Variants in GALNT13 observed in about 807,000 individuals in gnomAD.
The protein encoded by GALNT13 is polypeptide N-acetylgalactosaminyltransferase 13, also known as UDP-GalNAc:polypeptide N-acetylgalactosaminyltransferase 13.
Under a neutral mutation model 64.2 loss-of-function variants are expected in GALNT13, and 28 were observed. That is an observed-to-expected ratio of 0.44 (90% CI 0.32 to 0.60). GALNT13 has a LOEUF of 0.60. Ranked by LOEUF, GALNT13 falls within the 20% of genes least tolerant of loss-of-function variation. GALNT13 has a pLI of 0.05. For synonymous variants in GALNT13, 214 were observed against 224.6 expected, an observed-to-expected ratio of 0.95 and a Z score of 0.42; for missense variants, 577 against 669.8, an observed-to-expected ratio of 0.86 and a Z score of 1.53.
At chr2:153,787,068 C>T in the GALNT13 span, among the ~76,000 whole-genome samples, 1 of 152,070 alleles carries the variant, frequency 6.6e-6, no homozygotes, top group Non-Finnish European at 1.5e-5. Context: ...TGCTAAGGTC[C>T]CTTCCTCTGC....
At chr2:154,194,542 C>A (rs1005556479) in intron 4 of GALNT13, among the ~76,000 whole-genome samples, 1 of 152,104 alleles carries the variant, frequency 6.6e-6, no homozygotes, top group African/African-American at 2.4e-5. Context: ...TTACATGAAC[C>A]AGATGGTAAA....
intron 3 of GALNT13, among the ~76,000 whole-genome samples, chr2:154,063,178 A>G (rs1305308009): frequency 1.3e-5 from 2 of 152,118 alleles, no homozygotes; most frequent in African/African-American, 2.4e-5. Flanking sequence ...TCCCTTATAT[A>G]TATCACATTC....
the GALNT13 span, among the ~76,000 whole-genome samples, chr2:153,782,228 A>G: frequency 6.6e-6 from 1 of 152,222 alleles, no homozygotes; most frequent in Non-Finnish European, 1.5e-5. Context: ...TGTAAATATC[A>G]TAGATCTTTC....
rs1187203913 is a variant in GALNT13, at chr2:154,146,948, C to T, written c.311+6443C>T. 2.0e-5 allele frequency among the ~76,000 whole-genome samples: 3 copies of T among 152,032 alleles called. No individual in the cohort carries two copies. The East Asian group carries it at 5.8e-4, about 29-fold the overall frequency. On this transcript the variant is annotated intron_variant, in intron 4 of 12. Transcript: ENST00000392825. ...CTTCTTTTCTATGAAGGTCTCCGTTCATGTGAAAATCAAATGATTATAATC... is the reference window on the plus strand; with the variant it reads ...CTTCTTTTCTATGAAGGTCTCCGTTTATGTGAAAATCAAATGATTATAATC...
intron 3 of GALNT13, among the ~76,000 whole-genome samples, chr2:154,124,745 T>A (rs1184103655): frequency 6.6e-6 from 1 of 152,022 alleles, no homozygotes; most frequent in Non-Finnish European, 1.5e-5. Flanking sequence ...GACCATGAGG[T>A]TAAGTTAAAT....
At chr2:153,718,815 C>A in the GALNT13 span, among the ~76,000 whole-genome samples, 1 of 152,182 alleles carries the variant, frequency 6.6e-6, no homozygotes, top group African/African-American at 2.4e-5. Context: ...GTTTACAATA[C>A]ACTTTGAAAA....
chr2:153,956,921 A>G (rs542105488), intron 3 of GALNT13, among the ~76,000 whole-genome samples: 1 of 152,308 alleles, frequency 6.6e-6, no homozygotes, highest in South Asian at 2.1e-4. Context: ...ACTATCTCCG[A>G]GAACCAAGTT....
At chr2:153,139,298 A>G in the GALNT13 span, among the ~76,000 whole-genome samples, 2 of 152,010 alleles carry the variant, frequency 1.3e-5, no homozygotes, top group Non-Finnish European at 2.9e-5. Flanking sequence ...TTGGCTTTTA[A>G]ATCCATTTTA....
intron 3 of GALNT13, among the ~76,000 whole-genome samples, chr2:154,011,522 A>G (rs1023637480): frequency 6.6e-6 from 1 of 152,180 alleles, no homozygotes; most frequent in Admixed American, 6.6e-5. Flanking sequence ...TTTCATGTGC[A>G]GATGAGAAGA....
the GALNT13 span, among the ~76,000 whole-genome samples, chr2:153,730,793 T>C: frequency 2.0e-5 from 3 of 151,812 alleles, no homozygotes; most frequent in African/African-American, 7.2e-5. Flanking sequence ...ATAAAAATGC[T>C]CACCATCACT....
the GALNT13 span, among the ~76,000 whole-genome samples, chr2:153,080,736 A>C: frequency 2.2e-4 from 34 of 152,154 alleles, no homozygotes; most frequent in Non-Finnish European, 3.7e-4. Context: ...AAAATCTTTT[A>C]AATATGGTTT....
At position 154,252,724 on chromosome 2, in the gene GALNT13, A is replaced by AAGATAGAT. The variant is rs70983713; in HGVS notation, c.858-6247_858-6240dup. Among the ~76,000 whole-genome samples, 1,330 of 146,840 alleles carry AAGATAGAT rather than the reference A, an allele frequency of 9.1e-3. 7 individuals are homozygous for AAGATAGAT. Among genetic ancestry groups the AAGATAGAT allele is most frequent in the Middle Eastern group, 0.014 (4 of 290 alleles). On this transcript the variant is annotated intron_variant, in intron 7 of 12. Transcript: ENST00000392825. ...TATAAGGTATATGGACGAATGGAAAAAGATAGATAGATAGATAGATAGATA... is the reference window on the plus strand; with the variant it reads ...TATAAGGTATATGGACGAATGGAAAAAGATAGATAGATAGATAGATAGATAGATAGATA...
intron 11 of GALNT13, among the ~76,000 whole-genome samples, chr2:154,423,419 G>C (rs1053662991): frequency 6.6e-6 from 1 of 152,070 alleles, no homozygotes; most frequent in Non-Finnish European, 1.5e-5. Flanking sequence ...TCCTTTGGGT[G>C]TATACCCAGT....
intron 9 of GALNT13, among the ~76,000 whole-genome samples, chr2:154,361,652 C>A (rs76037817): frequency 6.6e-6 from 1 of 152,096 alleles, no homozygotes; most frequent in African/African-American, 2.4e-5. Flanking sequence ...ATTTCTGTCA[C>A]ATAGTGAGTA....
chr2:154,401,604 T>G (rs1369888828), intron 10 of GALNT13, among the ~76,000 whole-genome samples: 3 of 152,138 alleles, frequency 2.0e-5, no homozygotes, highest in African/African-American at 7.2e-5. Context: ...ATATTGTATT[T>G]TTTTAACTTC....
chr2:153,248,543 G>A, the GALNT13 span, among the ~76,000 whole-genome samples: 1 of 152,058 alleles, frequency 6.6e-6, no homozygotes, highest in African/African-American at 2.4e-5. Flanking sequence ...GGCCGGGCGT[G>A]GTGGCTCAGC....
At chr2:153,615,613 A>G in the GALNT13 span, among the ~76,000 whole-genome samples, 1 of 152,162 alleles carries the variant, frequency 6.6e-6, no homozygotes, top group East Asian at 1.9e-4. Flanking sequence ...TTTGATCTGC[A>G]TTTATCTAAT....
chr2:153,611,317 T>C, the GALNT13 span, among the ~76,000 whole-genome samples: 1 of 152,144 alleles, frequency 6.6e-6, no homozygotes. Flanking sequence ...TAGACTAGGA[T>C]TTGAACTGAG....
At chr2:153,699,713 C>A in the GALNT13 span, among the ~76,000 whole-genome samples, 1 of 152,144 alleles carries the variant, frequency 6.6e-6, no homozygotes. Flanking sequence ...GCTAGAAACA[C>A]CTCTATGCAA....
Sources: allele counts gnomAD v4.1 joint callset (sites outside exome capture counted in the v4.1 genomes callset), GRCh38; gene constraint gnomAD v4.1.1; transcripts MANE v1.5; gene names NCBI Gene and HGNC (gene_info 2026-07-23, HGNC 2026-07-21).